Variants in ST6GALNAC3 observed in about 807,000 individuals in gnomAD.
The protein encoded by ST6GALNAC3 is ST6 N-acetylgalactosaminide alpha-2,6-sialyltransferase 3, also known as alpha-N-acetylgalactosaminide alpha-2,6-sialyltransferase 3.
ST6GALNAC3 carries 25 observed loss-of-function variants against 32.7 expected under a neutral mutation model. The ratio of observed to expected loss-of-function variants is 0.76; its 90% CI spans 0.56 to 1.07. The LOEUF is 1.07. ST6GALNAC3 is among the 50% of genes least tolerant of loss of function. The probability of loss-of-function intolerance (pLI) is 0.00; values close to 1 mark genes in which losing one functional copy is unlikely to be tolerated. For synonymous variants in ST6GALNAC3, 129 were observed against 133.1 expected (o/e 0.97, Z 0.21); for missense variants, 355 against 382.4 (o/e 0.93, Z 0.60).
At chr1:76,231,300 G>GT (rs1354139421) in intron 1 of ST6GALNAC3, among the ~76,000 whole-genome samples, 1 of 152,080 alleles carries the variant, frequency 6.6e-6, no homozygotes, top group Non-Finnish European at 1.5e-5. Context: ...GCAAATGTTT[G>GT]TTTTTTAAAA....
chr1:76,565,929 T>G (rs536683044), intron 3 of ST6GALNAC3, among the ~76,000 whole-genome samples: 22 of 152,234 alleles, frequency 1.4e-4, no homozygotes, highest in South Asian at 6.2e-4. Flanking sequence ...AAAGCCTTTG[T>G]TCAGATTTTT....
chr1:76,440,531 T>A (rs1257220820), intron 3 of ST6GALNAC3, among the ~76,000 whole-genome samples: 1 of 152,220 alleles, frequency 6.6e-6, no homozygotes, highest in Non-Finnish European at 1.5e-5. Context: ...TGCAGGTGTA[T>A]CCTTTCCCTT....
At chr1:76,150,403 G>A (rs1650967234) in intron 1 of ST6GALNAC3, among the ~76,000 whole-genome samples, 1 of 152,218 alleles carries the variant, frequency 6.6e-6, no homozygotes, top group South Asian at 2.1e-4. Flanking sequence ...TTCTTTTGGA[G>A]ATGTGAAATC....
At chr1:76,248,353 C>G (rs1657426307) in intron 1 of ST6GALNAC3, among the ~76,000 whole-genome samples, 1 of 152,144 alleles carries the variant, frequency 6.6e-6, no homozygotes, top group Admixed American at 6.5e-5. Context: ...TCCTTTACAG[C>G]CTTTTCAATA....
rs144018923 is a variant in ST6GALNAC3 at position 76,108,369 on chromosome 1, T to C, written c.18+33485T>C. ...TACATAACATGGTTTTGCATGCAAT[T>C]TGAAGGGATTCACAGATCCTTTGAA... is the stretch of plus-strand genomic sequence containing the variant. On this transcript the variant is annotated intron_variant, in intron 1 of 4. Coordinates refer to ENST00000328299, the MANE Select transcript of ST6GALNAC3 (RefSeq NM_152996.4). Among the ~76,000 whole-genome samples, 7 of 152,352 alleles carry C rather than the reference T, an allele frequency of 4.6e-5. No homozygotes were observed. The East Asian group carries it at 1.3e-3, about 29-fold the overall frequency.
At chr1:76,326,221 G>A (rs1420649212) in intron 2 of ST6GALNAC3, among the ~76,000 whole-genome samples, 1 of 152,114 alleles carries the variant, frequency 6.6e-6, no homozygotes, top group African/African-American at 2.4e-5. Context: ...TCTCATGGTG[G>A]AAAAAGCACA....
chr1:76,632,669 A>G lies in ST6GALNAC3; in HGVS notation c.*3863A>G, dbSNP rs908218407. The G allele has an allele frequency of 6.6e-6, 1 of 152,172 alleles. No individual in the cohort carries two copies. The highest frequency in any genetic ancestry group is 1.5e-5 in the Non-Finnish European group (1 of 68,022). 9.4% of individuals were successfully genotyped at this position (152,172 alleles called of 1,614,324 possible). A position where few individuals can be genotyped will look rare whatever the true frequency, so the allele number is the denominator to read the frequency against. On this transcript the variant is annotated 3_prime_UTR_variant, in exon 5 of 5. Transcript: ENST00000328299. ...ACCTTCCAAGAAGTAGAAGGCCATC[A>G]GAAGAAAATCACTGTTACTTAGAGA...
chr1:76,391,993 A>G (rs991799710), intron 2 of ST6GALNAC3, among the ~76,000 whole-genome samples: 4 of 152,168 alleles, frequency 2.6e-5, no homozygotes, highest in Non-Finnish European at 5.9e-5. Flanking sequence ...TTTAGACCTT[A>G]GTTTCTCAAC....
chr1:76,523,634 G>C (rs1662689745), intron 3 of ST6GALNAC3, among the ~76,000 whole-genome samples: 2 of 152,134 alleles, frequency 1.3e-5, no homozygotes, highest in Non-Finnish European at 2.9e-5. Flanking sequence ...TTGCAATTAA[G>C]ACACTACTTC....
chr1:76,441,895 T>A (rs1470182166), intron 3 of ST6GALNAC3, among the ~76,000 whole-genome samples: 2 of 152,190 alleles, frequency 1.3e-5, no homozygotes, highest in Non-Finnish European at 2.9e-5. Flanking sequence ...AGGATAAGCT[T>A]CTTTGATGTC....
rs765743078 is a variant in ST6GALNAC3, at chr1:76,374,441, C to T, written c.214-37567C>T. ...ATTGCAAGGGCTACTGGATATTTAC[C>T]GGAAGAGGAAAAACCAAAGAAAAGC... On this transcript the variant is annotated intron_variant, in intron 2 of 4. Transcript: ENST00000328299. 4.6e-5 allele frequency among the ~76,000 whole-genome samples: 7 copies of T among 152,200 alleles called. No homozygotes were observed. The South Asian group carries it at 6.2e-4, about 14-fold the overall frequency.
At chr1:76,564,743 G>A (rs1483342378) in intron 3 of ST6GALNAC3, among the ~76,000 whole-genome samples, 1 of 151,928 alleles carries the variant, frequency 6.6e-6, no homozygotes, top group Non-Finnish European at 1.5e-5. Flanking sequence ...CCACCACCAC[G>A]CCTGGCTAAT....
At chr1:76,134,790 G>T (rs1649832949) in intron 1 of ST6GALNAC3, among the ~76,000 whole-genome samples, 1 of 152,172 alleles carries the variant, frequency 6.6e-6, no homozygotes, top group Non-Finnish European at 1.5e-5. Context: ...TCTCTTTCAA[G>T]AACGCTCAGG....
chr1:76,366,854 T>G (rs1268352968), intron 2 of ST6GALNAC3, among the ~76,000 whole-genome samples: 1 of 152,196 alleles, frequency 6.6e-6, no homozygotes, highest in Admixed American at 6.5e-5. Flanking sequence ...TACAGTTAAT[T>G]AAATCTCGAT....
chr1:76,596,557 T>C (rs754221436), intron 3 of ST6GALNAC3, among the ~76,000 whole-genome samples: 1 of 152,240 alleles, frequency 6.6e-6, no homozygotes. Flanking sequence ...TTTCTTGTAT[T>C]CTGATCTTCG....
chr1:76,599,724 G>A (rs1261576812), intron 3 of ST6GALNAC3, among the ~76,000 whole-genome samples: 1 of 20,388 alleles, frequency 4.9e-5, no homozygotes, highest in African/African-American at 1.1e-4. Flanking sequence ...TATCGTGTGT[G>A]TGTGTGTGTG....
At chr1:76,462,118 C>T (rs1307169795) in intron 3 of ST6GALNAC3, among the ~76,000 whole-genome samples, 3 of 152,022 alleles carry the variant, frequency 2.0e-5, no homozygotes, top group Non-Finnish European at 4.4e-5. Flanking sequence ...CTGTCCCCAT[C>T]CCCCCAGCCT....
At chr1:76,192,824 T>A (rs1180380314) in intron 1 of ST6GALNAC3, among the ~76,000 whole-genome samples, 1 of 152,204 alleles carries the variant, frequency 6.6e-6, no homozygotes, top group Non-Finnish European at 1.5e-5. Context: ...TGGTCTTTAC[T>A]TCTCTGAAGA....
chr1:76,400,460 GAT>G (rs1445615022), intron 2 of ST6GALNAC3, among the ~76,000 whole-genome samples: 1 of 152,144 alleles, frequency 6.6e-6, no homozygotes, highest in Non-Finnish European at 1.5e-5. Context: ...TGAATATTTA[GAT>G]TTTGGCATTT....
Sources: gnomAD v4.1 joint callset for allele counts (sites outside exome capture counted in the v4.1 genomes callset) on GRCh38, gnomAD v4.1.1 for gene constraint, MANE v1.5 for transcripts, NCBI Gene and HGNC (gene_info 2026-07-23, HGNC 2026-07-21) for gene names.